Variants in EPHB1 observed in about 807,000 individuals in gnomAD.
EPHB1 encodes the protein EPH receptor B1.
EPHB1 carries 30 observed loss-of-function variants against 94.4 expected under a neutral mutation model. The observed-to-expected ratio is 0.32, with a 90% CI of 0.24 to 0.43. The LOEUF (loss-of-function observed/expected upper bound fraction) is 0.43. EPHB1 is among the 20% of genes least tolerant of loss of function. The pLI is 1.00. For synonymous variants in EPHB1, 522 were observed against 489.1 expected, an observed-to-expected ratio of 1.07 and a Z score of -0.89; for missense variants, 1,055 against 1,308.3, an observed-to-expected ratio of 0.81 and a Z score of 2.99.
At chr3:134,994,781 T>C (rs1395359290) in intron 3 of EPHB1, among the ~76,000 whole-genome samples, 1 of 152,248 alleles carries the variant, frequency 6.6e-6, no homozygotes, top group Non-Finnish European at 1.5e-5. Context: ...TTTTAATGTT[T>C]CATTATGGTT....
At chr3:134,853,042 G>T (rs2037026547) in intron 1 of EPHB1, among the ~76,000 whole-genome samples, 1 of 152,174 alleles carries the variant, frequency 6.6e-6, no homozygotes, top group African/African-American at 2.4e-5. Flanking sequence ...GAGGAAGCAA[G>T]TGGAGCCCGA....
intron 2 of EPHB1, among the ~76,000 whole-genome samples, chr3:134,943,636 C>G (rs772227273): frequency 1.3e-5 from 2 of 152,162 alleles, no homozygotes; most frequent in Non-Finnish European, 2.9e-5. Context: ...GACTTTGGAC[C>G]ACACCCTGAT....
At chr3:134,879,416 C>T (rs7631723) in intron 1 of EPHB1, among the ~76,000 whole-genome samples, 7,304 of 152,074 alleles carry the variant, frequency 0.048, 556 homozygotes, top group African/African-American at 0.17. Context: ...GTGGGTGGAT[C>T]GCTTAAGCTG....
chr3:135,227,943 G>A (rs9808939), intron 12 of EPHB1, among the ~76,000 whole-genome samples: 7,350 of 151,840 alleles, frequency 0.048, 297 homozygotes, highest in East Asian at 0.21. Context: ...ATACATCATC[G>A]CTCTTTATTC....
intron 12 of EPHB1, among the ~76,000 whole-genome samples, chr3:135,216,595 C>T (rs191262924): frequency 3.2e-4 from 49 of 151,864 alleles, no homozygotes; most frequent in African/African-American, 1.2e-3. Context: ...TACTGGCACT[C>T]GCCTGTAATC....
chr3:135,129,701 G>T (rs1253638593), intron 4 of EPHB1, among the ~76,000 whole-genome samples: 3 of 152,216 alleles, frequency 2.0e-5, no homozygotes. Context: ...TAGGCACCTG[G>T]AAATGAGCTA....
At chr3:134,961,949 A>G (rs940867768) in intron 3 of EPHB1, among the ~76,000 whole-genome samples, 13 of 152,242 alleles carry the variant, frequency 8.5e-5, no homozygotes, top group African/African-American at 3.1e-4. Context: ...AGGATTTTCT[A>G]TATGCCAAGC....
chr3:134,970,089 C>T (rs1933908427), intron 3 of EPHB1, among the ~76,000 whole-genome samples: 1 of 152,166 alleles, frequency 6.6e-6, no homozygotes, highest in Admixed American at 6.5e-5. Context: ...ATGTCTTTCA[C>T]AAAGCAAACA....
At chr3:135,041,432 C>T (rs1001101848) in intron 3 of EPHB1, among the ~76,000 whole-genome samples, 5 of 152,130 alleles carry the variant, frequency 3.3e-5, no homozygotes, top group Admixed American at 3.3e-4. Context: ...ACATGGAGTT[C>T]CTCAAATGCA....
chr3:135,185,018 G>GTGTA (rs1942293209), intron 10 of EPHB1, among the ~76,000 whole-genome samples: 1 of 152,260 alleles, frequency 6.6e-6, no homozygotes, highest in Non-Finnish European at 1.5e-5. Flanking sequence ...ATGACTGTCA[G>GTGTA]TGTATGACTA....
At chr3:134,843,740 T>C (rs2036818207) in intron 1 of EPHB1, among the ~76,000 whole-genome samples, 1 of 152,192 alleles carries the variant, frequency 6.6e-6, no homozygotes, top group South Asian at 2.1e-4. Context: ...GTTTTAAAAA[T>C]AATTTCTGTC....
intron 1 of EPHB1, among the ~76,000 whole-genome samples, chr3:134,834,494 G>A (rs1158139386): frequency 1.3e-5 from 2 of 152,206 alleles, no homozygotes; most frequent in African/African-American, 4.8e-5. Context: ...ACAGCTGGGT[G>A]TCATCCCCAG....
chr3:135,255,470 A>G (rs1487392843), intron 15 of EPHB1, among the ~76,000 whole-genome samples: 1 of 143,546 alleles, frequency 7.0e-6, no homozygotes, highest in African/African-American at 2.6e-5. Context: ...ACATTTCGTT[A>G]TGTACCCAGT....
At chr3:134,880,133 C>G (rs753581155) in intron 1 of EPHB1, among the ~76,000 whole-genome samples, 4 of 152,206 alleles carry the variant, frequency 2.6e-5, no homozygotes, top group Non-Finnish European at 5.9e-5. Flanking sequence ...CTGCTTCAGT[C>G]TGAACTGGCC....
chr3:135,024,797 T>G (rs1559799138), intron 3 of EPHB1, among the ~76,000 whole-genome samples: 1 of 152,240 alleles, frequency 6.6e-6, no homozygotes, highest in Non-Finnish European at 1.5e-5. Context: ...TATACTCCCA[T>G]TTTTTGAATT....
intron 3 of EPHB1, among the ~76,000 whole-genome samples, chr3:135,011,996 A>G (rs968063890): frequency 2.0e-5 from 3 of 152,078 alleles, no homozygotes; most frequent in African/African-American, 2.4e-5. Flanking sequence ...TACTAACTTG[A>G]TTTTCATATT....
chr3:134,875,439 G>T (rs920076135), intron 1 of EPHB1, among the ~76,000 whole-genome samples: 1 of 152,134 alleles, frequency 6.6e-6, no homozygotes, highest in Non-Finnish European at 1.5e-5. Flanking sequence ...GTCCCCTGTG[G>T]AAGGCAGGAG....
intron 5 of EPHB1, 74 bp from the exon 6 acceptor site, chr3:135,154,078 G>A (rs1356780520): frequency 2.2e-5 from 35 of 1,591,504 alleles, no homozygotes; most frequent in Admixed American, 5.1e-5. Context: ...TTCTCCCTAC[G>A]TACCTCTGGA....
chr3:135,044,604 G>A (rs1263455362), intron 3 of EPHB1, among the ~76,000 whole-genome samples: 1 of 152,166 alleles, frequency 6.6e-6, no homozygotes, highest in African/African-American at 2.4e-5. Flanking sequence ...GGCCTTAAAT[G>A]GAGGCAAAAT....
Sources: gnomAD v4.1 joint callset for allele counts (sites outside exome capture counted in the v4.1 genomes callset) on GRCh38, gnomAD v4.1.1 for gene constraint, MANE v1.5 for transcripts, NCBI Gene and HGNC (gene_info 2026-07-23, HGNC 2026-07-21) for gene names.